FBXW7: variants seen among roughly 807,000 people sequenced by gnomAD.
FBXW7 encodes the protein F-box/WD repeat-containing protein 7.
A neutral mutation model predicts 86.3 loss-of-function variants in FBXW7; 11 were observed. The ratio of observed to expected loss-of-function variants is 0.13; its 90% CI spans 0.08 to 0.21. The LOEUF (loss-of-function observed/expected upper bound fraction) is 0.21, where lower values mean the gene tolerates loss of function less well. Ranked by LOEUF, FBXW7 falls within the 10% of genes least tolerant of loss-of-function variation. The probability of loss-of-function intolerance (pLI) is 1.00; values close to 1 mark genes in which losing one functional copy is unlikely to be tolerated. For synonymous variants in FBXW7, 313 were observed against 297.9 expected (o/e 1.05, Z -0.52); for missense variants, 488 against 847.4 (o/e 0.58, Z 5.27).
At chr4:152,420,128 T>A (rs1738812554) in intron 2 of FBXW7, among the ~76,000 whole-genome samples, 1 of 152,196 alleles carries the variant, frequency 6.6e-6, no homozygotes, top group Non-Finnish European at 1.5e-5. Flanking sequence ...GTCAACTAAT[T>A]TTATGTAATA....
chr4:152,448,048 G>T (rs1741570955), intron 2 of FBXW7, among the ~76,000 whole-genome samples: 1 of 152,154 alleles, frequency 6.6e-6, no homozygotes, highest in South Asian at 2.1e-4. Flanking sequence ...TAACCATAAA[G>T]TTACTGAGGC....
At chr4:152,421,915 A>G (rs1275617584) in intron 2 of FBXW7, among the ~76,000 whole-genome samples, 3 of 152,178 alleles carry the variant, frequency 2.0e-5, no homozygotes, top group African/African-American at 7.2e-5. Context: ...TGATAGTAAC[A>G]TAAAAGAGAT....
At chr4:152,438,631 C>T (rs929014272) in intron 2 of FBXW7, among the ~76,000 whole-genome samples, 1 of 152,106 alleles carries the variant, frequency 6.6e-6, no homozygotes, top group Non-Finnish European at 1.5e-5. Flanking sequence ...GCCGAGATTA[C>T]ATCACTGCAC....
At chr4:152,418,630 T>C (rs911798669) in intron 2 of FBXW7, among the ~76,000 whole-genome samples, 5 of 152,218 alleles carry the variant, frequency 3.3e-5, no homozygotes, top group African/African-American at 1.2e-4. Context: ...ATCTGCAGTT[T>C]TATCATACAT....
chr4:152,323,480 T>G (rs897203199), intron 13 of FBXW7: 3 of 325,140 alleles, frequency 9.2e-6, no homozygotes, highest in Non-Finnish European at 1.7e-5. Context: ...CTTCTGCTGA[T>G]GGACAAATGA....
chr4:152,330,590 T>C (rs969900161), intron 9 of FBXW7, 142 bp downstream of exon 9: 3 of 647,692 alleles, frequency 4.6e-6, no homozygotes, highest in Non-Finnish European at 7.1e-6. Flanking sequence ...TATTGTCAGT[T>C]AATACTTTCA....
intron 13 of FBXW7, 54 bp downstream of exon 13, chr4:152,324,130 C>A (rs1259619828): frequency 7.1e-7 from 1 of 1,402,704 alleles, no homozygotes; most frequent in South Asian, 1.2e-5. Flanking sequence ...CCATATTTCT[C>A]TTGAATAATG....
At chr4:152,390,455 C>T (rs1189694054) in intron 4 of FBXW7, among the ~76,000 whole-genome samples, 1 of 151,962 alleles carries the variant, frequency 6.6e-6, no homozygotes, top group Non-Finnish European at 1.5e-5. Context: ...CAGCTGCTCA[C>T]CAAGAATTTA....
rs976316492 is a variant in FBXW7 at position 152,512,074 on chromosome 4, A to G, written c.-120+22867T>C. The stretch of plus-strand genomic sequence containing the variant: ...TTTTGTTCACATTATATGAAACTAA[A>G]TATTTCTTTCAATGGACCAAGGCAG... On this transcript the variant is annotated intron_variant, in intron 2 of 13. Coordinates refer to ENST00000281708, the MANE Select transcript of FBXW7 (RefSeq NM_001349798.2). Among the ~76,000 whole-genome samples the G allele has an allele frequency of 1.4e-4, 22 of 152,272 alleles. 1 individual carries two copies. Among genetic ancestry groups the G allele is most frequent in the Admixed American group, 9.8e-4 (15 of 15,306 alleles).
At chr4:152,490,505 T>C (rs1269669623) in intron 2 of FBXW7, among the ~76,000 whole-genome samples, 1 of 152,050 alleles carries the variant, frequency 6.6e-6, no homozygotes, top group Non-Finnish European at 1.5e-5. Flanking sequence ...ACTTAGTATC[T>C]CTGTTTTAAT....
intron 2 of FBXW7, among the ~76,000 whole-genome samples, chr4:152,443,811 T>G (rs181264483): frequency 6.6e-6 from 1 of 152,180 alleles, no homozygotes; most frequent in African/African-American, 2.4e-5. Context: ...TTCTAAAAAA[T>G]TTTAATGTTT....
chr4:152,412,623 T>C (rs1377270763), intron 2 of FBXW7, 94 bp from the exon 3 acceptor site: 2 of 151,850 alleles, frequency 1.3e-5, no homozygotes, highest in Non-Finnish European at 2.9e-5. Flanking sequence ...TAAATAAAAA[T>C]GTAAATAAAA....
chr4:152,523,546 T>G (rs1048705011), intron 2 of FBXW7, among the ~76,000 whole-genome samples: 5 of 152,150 alleles, frequency 3.3e-5, no homozygotes, highest in Non-Finnish European at 7.3e-5. Context: ...TTTTGGGGAC[T>G]GAAAGTTTTG....
intron 4 of FBXW7, among the ~76,000 whole-genome samples, chr4:152,355,356 A>C (rs1244153697): frequency 6.6e-6 from 1 of 152,092 alleles, no homozygotes; most frequent in Non-Finnish European, 1.5e-5. Flanking sequence ...ACTTTAGATC[A>C]GTCTATTATC....
chr4:152,376,329 T>C (rs1734516572), intron 4 of FBXW7, among the ~76,000 whole-genome samples: 1 of 152,120 alleles, frequency 6.6e-6, no homozygotes, highest in African/African-American at 2.4e-5. Flanking sequence ...TGATGGTCGG[T>C]GTTTTGGGTA....
chr4:152,438,349 A>G (rs888015164), intron 2 of FBXW7, among the ~76,000 whole-genome samples: 1 of 152,144 alleles, frequency 6.6e-6, no homozygotes, highest in Admixed American at 6.5e-5. Flanking sequence ...GTAGTGGTCT[A>G]GAACCAAATC....
At chr4:152,358,254 A>G (rs1332583727) in intron 4 of FBXW7, among the ~76,000 whole-genome samples, 2 of 152,216 alleles carry the variant, frequency 1.3e-5, no homozygotes, top group Non-Finnish European at 2.9e-5. Context: ...AGAATTTAAC[A>G]TGGAGAAAGA....
chr4:152,411,333 G>A lies in FBXW7; in HGVS notation c.471C>T (p.Leu157=), dbSNP rs2126876476. The A allele has an allele frequency of 6.2e-7, 1 of 1,611,468 alleles. No homozygotes were observed. The highest frequency in any genetic ancestry group is 8.5e-7 in the Non-Finnish European group (1 of 1,178,726). Residue 157 remains leucine (L), a synonymous_variant, in exon 4 of 14, where the codon CTC becomes CTT. Transcript: ENST00000281708. The part of the protein sequence containing the change: ...SSIVDLPVHQ[L]SSPFYTKTTK... ...TTGTTTTTGTATAGAATGGGGAGGA[G>A]AGTTGGTGAACGGGCAGGTCCACAA...
Position 152,514,676 on chromosome 4 carries a change from CTT to C in FBXW7, c.-120+20263_-120+20264del, listed in dbSNP as rs144814546. Among the ~76,000 whole-genome samples, 98 of 152,256 alleles carry C rather than the reference CTT, an allele frequency of 6.4e-4. 1 individual carries two copies. In the East Asian group the frequency reaches 0.018, roughly 28 times the overall value. ...AAAAGAGCTTGGCACCCCCTCTCCT[CTT>C]TCTCTCCTTTCCTGCCTCACCATGT... On this transcript the variant is annotated intron_variant, in intron 2 of 13. Transcript: ENST00000281708.
Sources: allele counts gnomAD v4.1 joint callset (sites outside exome capture counted in the v4.1 genomes callset), GRCh38; gene constraint gnomAD v4.1.1; transcripts MANE v1.5; gene names NCBI Gene and HGNC (gene_info 2026-07-23, HGNC 2026-07-21).